Variants in ECSCR observed in about 807,000 individuals in gnomAD.
The protein encoded by ECSCR is endothelial cell surface expressed chemotaxis and apoptosis regulator.
In ECSCR, 12 loss-of-function variants were observed where a neutral mutation model predicts 16.7. That is an observed-to-expected ratio of 0.72 (90% CI 0.46 to 1.17). The LOEUF (loss-of-function observed/expected upper bound fraction) is 1.17, where lower values mean the gene tolerates loss of function less well. Among genes scored for constraint, ECSCR ranks in the 50% most tolerant of loss-of-function variants. ECSCR has a pLI of 0.00. For synonymous variants in ECSCR, 44 were observed against 42.2 expected (o/e 1.04, Z -0.17); for missense variants, 122 against 116.1 (o/e 1.05, Z -0.23).
At chr5:139,461,933 T>C (rs1751314682) in intron 1 of ECSCR, among the ~76,000 whole-genome samples, 1 of 152,136 alleles carries the variant, frequency 6.6e-6, no homozygotes. Context: ...CAGCAACTGC[T>C]CCCTGATGAG....
intron 8 of ECSCR, among the ~76,000 whole-genome samples, chr5:139,454,235 G>C (rs1751108152): frequency 6.9e-6 from 1 of 145,758 alleles, no homozygotes; most frequent in Non-Finnish European, 1.5e-5. Context: ...GTGTGTGTGG[G>C]GGTCGTGTGG....
At chr5:139,458,069 T>C in intron 2 of ECSCR, 70 bp downstream of exon 2, 1 of 1,486,936 alleles carries the variant, frequency 6.7e-7, no homozygotes, top group Non-Finnish European at 9.2e-7. Flanking sequence ...TAAATTGGCA[T>C]AGAGCTCCTC....
At position 139,456,492 on chromosome 5, in the gene ECSCR, C is replaced by T. The variant is rs1209747639; in HGVS notation, c.244G>A (p.Asp82Asn). Residue 82 changes from aspartate (D) to asparagine (N), a missense_variant, in exon 5 of 10, where the codon GAC (aspartate) becomes AAC (asparagine). Coordinates refer to ENST00000618155, the MANE Select transcript of ECSCR (RefSeq NM_001077693.4). ...PGAGVPSSGR[D>N]GGTSRDTFQT... The stretch of plus-strand genomic sequence containing the variant: ...GACATACCTCTGCTTGTGCCTCCGT[C>T]TCTTCCACTGCTGGGGACACCTGCG... The T allele has an allele frequency of 2.5e-6, 1 of 398,576 alleles. No homozygotes were observed. Among genetic ancestry groups the T allele is most frequent in the Non-Finnish European group, 4.4e-6 (1 of 226,106 alleles). The allele number at this position is 398,576 out of a possible 1,614,324, so 24.7% of individuals were successfully genotyped here.
At chr5:139,452,030 T>A (rs1163042908) in intron 8 of ECSCR, among the ~76,000 whole-genome samples, 3 of 147,532 alleles carry the variant, frequency 2.0e-5, no homozygotes, top group African/African-American at 7.5e-5. Context: ...GTGTGGGGTA[T>A]GGGATATGTT....
At chr5:139,459,731 G>T (rs1329559599) in intron 1 of ECSCR, among the ~76,000 whole-genome samples, 5 of 152,228 alleles carry the variant, frequency 3.3e-5, no homozygotes, top group Non-Finnish European at 7.3e-5. Context: ...CTGCTCCCTT[G>T]GTCTCTCAGC....
At chr5:139,451,904 T>G (rs1180497821) in intron 8 of ECSCR, among the ~76,000 whole-genome samples, 2 of 147,068 alleles carry the variant, frequency 1.4e-5, no homozygotes, top group Non-Finnish European at 3.0e-5. Context: ...GTGTTTGTGC[T>G]GTGGATGTGT....
chr5:139,449,245 G>A (rs529293034), intron 8 of ECSCR, 71 bp from the exon 9 acceptor site: 7 of 1,153,406 alleles, frequency 6.1e-6, no homozygotes, highest in Non-Finnish European at 8.8e-6. Flanking sequence ...GGAACTGTGA[G>A]GTTGTTGAGC....
chr5:139,449,967 C>A (rs1751002057), intron 8 of ECSCR, among the ~76,000 whole-genome samples: 1 of 151,990 alleles, frequency 6.6e-6, no homozygotes, highest in South Asian at 2.1e-4. Flanking sequence ...ACCATCTCAG[C>A]TCACTGCAAC....
chr5:139,457,854 T>C, intron 2 of ECSCR, 47 bp from the exon 3 acceptor site: 1 of 1,554,928 alleles, frequency 6.4e-7, no homozygotes, highest in South Asian at 1.2e-5. Context: ...CTCCTACTGT[T>C]CCATCTCCCT....
intron 1 of ECSCR, 179 bp from the exon 2 acceptor site, chr5:139,458,362 T>TGCA (rs1439326934): frequency 6.1e-6 from 1 of 164,988 alleles, no homozygotes; most frequent in African/African-American, 2.5e-5. Flanking sequence ...GGCACAGTAG[T>TGCA]GCACACCTGG....
rs543007281 is a variant in ECSCR, at chr5:139,448,750, C to A, written c.*150G>T. On this transcript the variant is annotated 3_prime_UTR_variant, in exon 10 of 10. Transcript: ENST00000618155. The stretch of plus-strand genomic sequence containing the variant: ...TGGTAGCTTGCTCCCAGATCTGGGG[C>A]AATGCTAGTGTCCTTTAGATCTAGA... 20 of 1,451,026 alleles carry A rather than the reference C, an allele frequency of 1.4e-5. No homozygotes were observed. Among genetic ancestry groups the A allele is most frequent in the Non-Finnish European group, 1.8e-5 (20 of 1,107,136 alleles). The allele number at this position is 1,451,026 out of a possible 1,614,324, so 89.9% of individuals were successfully genotyped here.
intron 1 of ECSCR, among the ~76,000 whole-genome samples, chr5:139,458,441 T>A (rs1417776842): frequency 7.8e-6 from 1 of 129,028 alleles, no homozygotes; most frequent in African/African-American, 3.2e-5. Context: ...CTGGCTGCAG[T>A]GAGCTATGAT....
chr5:139,449,178 G>T lies in ECSCR; in HGVS notation c.513-4C>A. 5 of 1,536,160 alleles carry T rather than the reference G, an allele frequency of 3.3e-6. No individual in the cohort carries two copies. Among genetic ancestry groups the T allele is most frequent in the East Asian group, 2.4e-5 (1 of 40,920 alleles). Reference sequence around the variant, plus strand: ...CTCTCCATTGGCTGTGGAGCAGCTGGGGGAGGAAGGGGGTCTGGGTTAAAG... The same window carrying T: ...CTCTCCATTGGCTGTGGAGCAGCTGTGGGAGGAAGGGGGTCTGGGTTAAAG... On this transcript the variant is annotated splice_region_variant and splice_polypyrimidine_tract_variant and intron_variant, in intron 8 of 9. Transcript: ENST00000618155.
chr5:139,456,883 G>T (rs1373596298), intron 4 of ECSCR, among the ~76,000 whole-genome samples: 1 of 152,142 alleles, frequency 6.6e-6, no homozygotes, highest in Non-Finnish European at 1.5e-5. Flanking sequence ...GTTTTTCACC[G>T]CTGCCCCCCG....
At position 139,460,813 on chromosome 5, in the gene ECSCR, C is replaced by A. The variant is rs557439564; in HGVS notation, c.61+1797G>T. Among the ~76,000 whole-genome samples, 11 of 152,250 alleles carry A rather than the reference C, an allele frequency of 7.2e-5. No individual in the cohort carries two copies. In the South Asian group the frequency reaches 1.9e-3, roughly 26 times the overall value. On this transcript the variant is annotated intron_variant, in intron 1 of 9. Transcript: ENST00000618155. ...TTTATCCCCTTCTAGTCTATCTCCA[C>A]ACACACCCCTCCCCATTTTTTCCTC...
intron 1 of ECSCR, 62 bp downstream of exon 1, chr5:139,462,548 G>A (rs1002307810): frequency 3.4e-6 from 5 of 1,487,836 alleles, no homozygotes; most frequent in African/African-American, 1.4e-5. Context: ...GAAAGAGACC[G>A]ATGCCTAGAA....
At chr5:139,454,092 G>C (rs1751103190) in intron 8 of ECSCR, among the ~76,000 whole-genome samples, 1 of 143,012 alleles carries the variant, frequency 7.0e-6, no homozygotes, top group Non-Finnish European at 1.5e-5. Context: ...AGGTATGTGT[G>C]GGGTGTGTGT....
At chr5:139,454,099 GTGTGTGA>G (rs1241389080) in intron 8 of ECSCR, among the ~76,000 whole-genome samples, 341 of 147,220 alleles carry the variant, frequency 2.3e-3, no homozygotes, top group African/African-American at 8.1e-3. Context: ...TGTGGGGTGT[GTGTGTGA>G]TGTGTGATGT....
At chr5:139,450,328 T>C (rs1232777621) in intron 8 of ECSCR, among the ~76,000 whole-genome samples, 1 of 150,944 alleles carries the variant, frequency 6.6e-6, no homozygotes, top group Non-Finnish European at 1.5e-5. Flanking sequence ...CATAGTGACA[T>C]CTTATATCTA....
Sources: gnomAD v4.1 joint callset for allele counts (sites outside exome capture counted in the v4.1 genomes callset) on GRCh38, gnomAD v4.1.1 for gene constraint, MANE v1.5 for transcripts, NCBI Gene and HGNC (gene_info 2026-07-23, HGNC 2026-07-21) for gene names.